The following SYN3 variants were observed in gnomAD, a reference collection of about 807,000 sequenced individuals.
SYN3 encodes the protein synapsin-3.
In SYN3, 35 loss-of-function variants were observed where a neutral mutation model predicts 65.8. That is an observed-to-expected ratio of 0.53 (90% CI 0.41 to 0.70). SYN3 has a LOEUF of 0.70. Among genes scored for constraint, SYN3 ranks in the 30% least tolerant of loss-of-function variants. SYN3 has a pLI of 0.00. For missense variants in SYN3, 680 were observed against 749.0 expected, an observed-to-expected ratio of 0.91 and a Z score of 1.08; for synonymous variants, 270 against 292.9, an observed-to-expected ratio of 0.92 and a Z score of 0.80.
At chr22:32,538,673 C>G (rs135475) in intron 8 of SYN3, among the ~76,000 whole-genome samples, 46,340 of 151,950 alleles carry the variant, frequency 0.3, 7,433 homozygotes, top group East Asian at 0.58. Context: ...GTCTTCTTCC[C>G]TTTACTCCGT....
intron 3 of SYN3, among the ~76,000 whole-genome samples, chr22:32,942,855 A>G (rs1454769821): frequency 6.6e-6 from 1 of 152,242 alleles, no homozygotes; most frequent in African/African-American, 2.4e-5. Flanking sequence ...TTGATTAAAG[A>G]TCAAATGAAT....
chr22:32,644,120 T>A (rs1361399654), intron 6 of SYN3, among the ~76,000 whole-genome samples: 2 of 131,022 alleles, frequency 1.5e-5, no homozygotes, highest in Non-Finnish European at 1.6e-5. Context: ...GACTGACTGA[T>A]GATGGGAGAA....
chr22:32,691,927 C>A (rs2060666297), intron 6 of SYN3, among the ~76,000 whole-genome samples: 2 of 152,042 alleles, frequency 1.3e-5, no homozygotes, highest in African/African-American at 4.8e-5. Flanking sequence ...AGTTTATTTT[C>A]CCTGGTAGGA....
intron 1 of SYN3, among the ~76,000 whole-genome samples, chr22:33,043,882 G>A (rs2054009966): frequency 6.6e-6 from 1 of 152,052 alleles, no homozygotes; most frequent in South Asian, 2.1e-4. Context: ...GTGAAACACC[G>A]TTTCTACTAA....
At chr22:32,871,294 G>A (rs1389895957) in intron 4 of SYN3, among the ~76,000 whole-genome samples, 2 of 152,210 alleles carry the variant, frequency 1.3e-5, no homozygotes, top group Non-Finnish European at 2.9e-5. Context: ...CCCATGGCTT[G>A]TTTTGGGATC....
chr22:32,753,292 T>C (rs2045193094), intron 6 of SYN3, among the ~76,000 whole-genome samples: 1 of 151,762 alleles, frequency 6.6e-6, no homozygotes, highest in East Asian at 1.9e-4. Flanking sequence ...CGGTGGGAGC[T>C]CCTTCCTAGT....
At chr22:32,535,930 T>G (rs1273430509) in intron 9 of SYN3, among the ~76,000 whole-genome samples, 1 of 152,166 alleles carries the variant, frequency 6.6e-6, no homozygotes, top group Non-Finnish European at 1.5e-5. Flanking sequence ...CTGTATGGAT[T>G]TTGCTCCTGT....
At chr22:32,766,282 A>G (rs1045324460) in intron 6 of SYN3, among the ~76,000 whole-genome samples, 2 of 152,150 alleles carry the variant, frequency 1.3e-5, no homozygotes, top group African/African-American at 4.8e-5. Flanking sequence ...TTCTTCTTCT[A>G]CTTCTCATGA....
intron 3 of SYN3, among the ~76,000 whole-genome samples, chr22:32,967,795 G>A (rs758748360): frequency 2.6e-4 from 39 of 152,240 alleles, no homozygotes; most frequent in Non-Finnish European, 5.4e-4. Context: ...GAGGCTGCTG[G>A]CAGGGCTGGG....
chr22:32,606,281 T>C (rs2059370976), intron 6 of SYN3, among the ~76,000 whole-genome samples: 1 of 152,120 alleles, frequency 6.6e-6, no homozygotes, highest in East Asian at 1.9e-4. Flanking sequence ...TTGACAGAAA[T>C]GGGGCAGCCC....
chr22:32,529,030 T>A, intron 10 of SYN3, 22 bp from the exon 11 acceptor site: 3 of 1,613,398 alleles, frequency 1.9e-6, no homozygotes, highest in Non-Finnish European at 2.5e-6. Context: ...AAGGGAGAGC[T>A]GAGGGACCCC....
rs1205044667 is a variant in SYN3, at chr22:32,686,109, T to C, written c.712-89373A>G. 7.9e-5 allele frequency among the ~76,000 whole-genome samples: 12 copies of C among 152,342 alleles called. No homozygotes were observed. The East Asian group carries it at 2.3e-3, about 29-fold the overall frequency. ...ATGTTAATTTTTATTTTTCTTGTTCTTTTTTATTTCTTTTTAATCTGAAAA... is the reference window on the plus strand; with the variant it reads ...ATGTTAATTTTTATTTTTCTTGTTCCTTTTTATTTCTTTTTAATCTGAAAA... On this transcript the variant is annotated intron_variant, in intron 6 of 13. Coordinates refer to ENST00000358763, the MANE Select transcript of SYN3 (RefSeq NM_003490.4).
At chr22:32,842,190 T>A (rs1021634081) in intron 6 of SYN3, among the ~76,000 whole-genome samples, 1 of 152,198 alleles carries the variant, frequency 6.6e-6, no homozygotes, top group East Asian at 1.9e-4. Context: ...ACGTGCTCCA[T>A]GCCTGTTTTT....
intron 6 of SYN3, among the ~76,000 whole-genome samples, chr22:32,657,492 C>T (rs377217045): frequency 2.0e-5 from 3 of 152,184 alleles, no homozygotes; most frequent in African/African-American, 4.8e-5. Context: ...GAGAGAGACA[C>T]AGAAGTTAGC....
At chr22:32,637,616 CT>C (rs113330830) in intron 6 of SYN3, among the ~76,000 whole-genome samples, 2 of 128,028 alleles carry the variant, frequency 1.6e-5, no homozygotes, top group Middle Eastern at 4.2e-3. Context: ...GTTAGGTTTT[CT>C]TTTTTTCTTT....
chr22:32,690,790 G>T (rs2060651573), intron 6 of SYN3, among the ~76,000 whole-genome samples: 1 of 152,192 alleles, frequency 6.6e-6, no homozygotes, highest in Non-Finnish European at 1.5e-5. Flanking sequence ...CCAGGGGACA[G>T]TTCTGATTCT....
chr22:32,652,339 C>T (rs556007849), intron 6 of SYN3, among the ~76,000 whole-genome samples: 103 of 151,112 alleles, frequency 6.8e-4, no homozygotes, highest in African/African-American at 2.3e-3. Flanking sequence ...AGTCCTTCCA[C>T]GCTAAGGGCA....
intron 6 of SYN3, among the ~76,000 whole-genome samples, chr22:32,669,790 G>C (rs1337070975): frequency 6.6e-6 from 1 of 152,200 alleles, no homozygotes; most frequent in Non-Finnish European, 1.5e-5. Flanking sequence ...GATAACTGCT[G>C]GGAGACTTCC....
At position 32,595,654 on chromosome 22, in the gene SYN3, T is replaced by C. The variant is rs1462949050; in HGVS notation, c.774+1020A>G. ...CATTTGGGTCCCCACCCAAATCTCA[T>C]GTCAAACTGTAATCCCCCATGTTGG... On this transcript the variant is annotated intron_variant, in intron 7 of 13. Coordinates refer to ENST00000358763, the MANE Select transcript of SYN3 (RefSeq NM_003490.4). Among the ~76,000 whole-genome samples, 4 of 152,306 alleles carry C rather than the reference T, an allele frequency of 2.6e-5. No individual in the cohort carries two copies. The East Asian group carries it at 5.8e-4, about 22-fold the overall frequency.
Sources: gnomAD v4.1 joint callset for allele counts (sites outside exome capture counted in the v4.1 genomes callset) on GRCh38, gnomAD v4.1.1 for gene constraint, MANE v1.5 for transcripts, NCBI Gene and HGNC (gene_info 2026-07-23, HGNC 2026-07-21) for gene names.